Variants in NAPEPLD observed in about 807,000 individuals in gnomAD.
NAPEPLD encodes N-acyl phosphatidylethanolamine phospholipase D.
In NAPEPLD, 23 loss-of-function variants were observed where a neutral mutation model predicts 38.1. That is an observed-to-expected ratio of 0.60 (90% CI 0.43 to 0.86). The LOEUF is 0.86. Among genes scored for constraint, NAPEPLD ranks in the 40% least tolerant of loss-of-function variants. The pLI is 0.00. For missense variants in NAPEPLD, 411 were observed against 476.8 expected (o/e 0.86, Z 1.28); for synonymous variants, 147 against 162.0 (o/e 0.91, Z 0.71).
At chr7:103,136,587 C>CAAAA (rs10708983) in intron 1 of NAPEPLD, among the ~76,000 whole-genome samples, 1 of 96,158 alleles carries the variant, frequency 1.0e-5, no homozygotes, top group African/African-American at 3.7e-5. Flanking sequence ...CTCTGTCTCA[C>CAAAA]AAAAAAAAAA....
intron 2 of NAPEPLD, chr7:103,127,173 T>A (rs1447969017): frequency 6.6e-6 from 1 of 152,062 alleles, no homozygotes; most frequent in Non-Finnish European, 1.5e-5. Flanking sequence ...TCGTGGCAAT[T>A]TTCAGAACAC....
intron 3 of NAPEPLD, among the ~76,000 whole-genome samples, chr7:103,116,382 A>T (rs916364573): frequency 6.6e-6 from 1 of 152,144 alleles, no homozygotes; most frequent in Non-Finnish European, 1.5e-5. Flanking sequence ...CACTTTATCA[A>T]TTGAGACTGG....
intron 4 of NAPEPLD, among the ~76,000 whole-genome samples, chr7:103,111,163 T>C (rs1030858125): frequency 1.3e-5 from 2 of 152,156 alleles, no homozygotes; most frequent in African/African-American, 4.8e-5. Flanking sequence ...AGAATCAATA[T>C]TGTGAAAATG....
At position 103,120,339 on chromosome 7, in the gene NAPEPLD, G is replaced by C; in HGVS notation, c.295-116C>G. ...GAAGAGCTGTTTTAAGAGAACTAAA[G>C]TCATTCAATAAACTTGCTACACTTT... On this transcript the variant is annotated intron_variant, in intron 2 of 4. Transcript: ENST00000465647. 3 of 1,090,118 alleles carry C rather than the reference G, an allele frequency of 2.8e-6. No homozygotes were observed. In the South Asian group the frequency reaches 5.1e-5, roughly 19 times the overall value. 67.5% of individuals were successfully genotyped at this position (1,090,118 alleles called of 1,614,324 possible).
upstream of NAPEPLD, chr7:103,149,708 A>C (rs148137296): frequency 8.0e-6 from 2 of 249,462 alleles, no homozygotes; most frequent in African/African-American, 2.4e-5. Flanking sequence ...CCTAAGATCA[A>C]ATTGGTTCCC....
At chr7:103,140,505 G>A (rs547902703) in intron 1 of NAPEPLD, among the ~76,000 whole-genome samples, 3 of 145,036 alleles carry the variant, frequency 2.1e-5, no homozygotes, top group African/African-American at 5.1e-5. Context: ...TCATTCTCCT[G>A]CCTCAGCCTC....
chr7:103,109,408 A>G (rs1170009098), intron 4 of NAPEPLD, among the ~76,000 whole-genome samples: 5 of 152,240 alleles, frequency 3.3e-5, no homozygotes, highest in Admixed American at 6.5e-5. Context: ...ATGCAATCAA[A>G]TTAGAACTCA....
intron 4 of NAPEPLD, among the ~76,000 whole-genome samples, chr7:103,108,258 T>A: frequency 6.6e-6 from 1 of 150,938 alleles, no homozygotes; most frequent in Non-Finnish European, 1.5e-5. Flanking sequence ...TTTTCCAGCC[T>A]CAGCCTCCTG....
intron 1 of NAPEPLD, among the ~76,000 whole-genome samples, chr7:103,139,041 T>G (rs1040044828): frequency 6.6e-6 from 1 of 152,174 alleles, no homozygotes; most frequent in African/African-American, 2.4e-5. Context: ...AAGCGAAGTA[T>G]TTCACCTGAG....
chr7:103,124,067 C>T (rs1391164037), intron 2 of NAPEPLD, among the ~76,000 whole-genome samples: 1 of 151,994 alleles, frequency 6.6e-6, no homozygotes, highest in Non-Finnish European at 1.5e-5. Flanking sequence ...TTCAGGAGGC[C>T]TAGGCTAGAA....
rs746261765 is a variant in NAPEPLD, at chr7:103,120,104, T to G, written c.414A>C (p.Glu138Asp). 98 of 1,614,096 alleles carry G rather than the reference T, an allele frequency of 6.1e-5. No individual in the cohort carries two copies. The highest frequency in any genetic ancestry group is 3.3e-4 in the Middle Eastern group (2 of 6,084). ...CCGTGAGAAATATGAGCTCATCCAT[T>G]TCCACCATTACCGTGGCATGTCCCA... is the stretch of plus-strand genomic sequence containing the variant. Reference protein sequence around the residue: ...TWLGHATVMVEMDELIFLTDP... With the variant: ...TWLGHATVMVDMDELIFLTDP... Residue 138 changes from glutamate (E) to aspartate (D), a missense_variant, in exon 3 of 5, where the codon GAA (glutamate) becomes GAC (aspartate). Transcript: ENST00000465647.
At chr7:103,126,008 T>G (rs1807718271) in intron 2 of NAPEPLD, among the ~76,000 whole-genome samples, 2 of 152,102 alleles carry the variant, frequency 1.3e-5, no homozygotes. Flanking sequence ...TGAAAGACAT[T>G]GTTTAATTAA....
intron 1 of NAPEPLD, among the ~76,000 whole-genome samples, chr7:103,148,376 C>T (rs1483827994): frequency 1.3e-5 from 2 of 150,740 alleles, no homozygotes; most frequent in East Asian, 3.9e-4. Context: ...TAATATTTTC[C>T]AGGTTTAACT....
rs2129525673 is a variant in NAPEPLD, at chr7:103,102,520, T to C, written c.*909A>G. 1 of 151,986 alleles carries C rather than the reference T, an allele frequency of 6.6e-6. No homozygotes were observed. Among genetic ancestry groups the C allele is most frequent in the East Asian group, 1.9e-4 (1 of 5,172 alleles). 9.4% of individuals were successfully genotyped at this position (151,986 alleles called of 1,614,324 possible). On this transcript the variant is annotated 3_prime_UTR_variant, in exon 5 of 5. Transcript: ENST00000465647. ...CCGGCTTTTTCTTTTTTCTTTTTTT[T>C]TTTCCGAGAGAGACGGGAGGTCACC...
intron 4 of NAPEPLD, among the ~76,000 whole-genome samples, chr7:103,109,634 C>G (rs966696597): frequency 1.3e-5 from 2 of 152,094 alleles, no homozygotes; most frequent in Non-Finnish European, 2.9e-5. Context: ...TAAATGCCCA[C>G]AAGAGAAAGC....
intron 2 of NAPEPLD, chr7:103,127,750 G>A (rs1808121874): frequency 6.6e-6 from 1 of 152,194 alleles, no homozygotes; most frequent in Non-Finnish European, 1.5e-5. Context: ...TAACACAGCA[G>A]AGGGAGAGGT....
rs114315473 is a variant in NAPEPLD, at chr7:103,133,387, C to G, written c.-16-4595G>C. ...GCACTGTTGAAAGGGCAAGAAGGAG[C>G]AGAAGCACGTAAAACCTGAGCCTTG... On this transcript the variant is annotated intron_variant, in intron 1 of 4. Coordinates refer to ENST00000465647, the MANE Select transcript of NAPEPLD (RefSeq NM_001122838.3). Among the ~76,000 whole-genome samples, 726 of 152,310 alleles carry G rather than the reference C, an allele frequency of 4.8e-3. 6 individuals are homozygous for G. The highest frequency in any genetic ancestry group is 0.017 in the African/African-American group (688 of 41,574).
At chr7:103,111,907 GAAA>G (rs1156451947) in intron 4 of NAPEPLD, among the ~76,000 whole-genome samples, 1 of 150,772 alleles carries the variant, frequency 6.6e-6, no homozygotes, top group Admixed American at 6.6e-5. Flanking sequence ...TAATTTACAA[GAAA>G]AAAACAAACA....
rs1434153382 is a variant in NAPEPLD at position 103,100,051 on chromosome 7, T to C, written c.*3378A>G. The C allele has an allele frequency of 2.6e-5, 4 of 152,330 alleles. No homozygotes were observed. Among genetic ancestry groups the C allele is most frequent in the East Asian group, 1.9e-4 (1 of 5,180 alleles). The allele number at this position is 152,330 out of a possible 1,614,324, so 9.4% of individuals were successfully genotyped here. ...ATACATAGATGCAAGACTGTTTCCA[T>C]AGGAAGTCACAAATCCTCAAACAGA... On this transcript the variant is annotated 3_prime_UTR_variant, in exon 5 of 5. Transcript: ENST00000465647.
Sources: gnomAD v4.1 joint callset for allele counts (sites outside exome capture counted in the v4.1 genomes callset) on GRCh38, gnomAD v4.1.1 for gene constraint, MANE v1.5 for transcripts, NCBI Gene and HGNC (gene_info 2026-07-23, HGNC 2026-07-21) for gene names.